Variants in MDGA2 observed in about 807,000 individuals in gnomAD.
MDGA2 encodes MAM domain containing glycosylphosphatidylinositol anchor 2.
Under a neutral mutation model 117.8 loss-of-function variants are expected in MDGA2, and 40 were observed. The observed-to-expected ratio is 0.34, with a 90% CI of 0.26 to 0.44. The LOEUF (loss-of-function observed/expected upper bound fraction) is 0.44. Among genes scored for constraint, MDGA2 ranks in the 20% least tolerant of loss-of-function variants. The probability of loss-of-function intolerance (pLI) is 1.00; values close to 1 mark genes in which losing one functional copy is unlikely to be tolerated. For missense variants in MDGA2, 1,123 were observed against 1,250.6 expected, an observed-to-expected ratio of 0.90 and a Z score of 1.54; for synonymous variants, 452 against 439.0, an observed-to-expected ratio of 1.03 and a Z score of -0.37.
intron 1 of MDGA2, among the ~76,000 whole-genome samples, chr14:47,377,376 G>A (rs765125968): frequency 2.6e-5 from 4 of 152,176 alleles, no homozygotes; most frequent in Admixed American, 6.5e-5. Flanking sequence ...CAGACAGTGG[G>A]TGCAGCCCAC....
chr14:47,061,830 T>C lies in MDGA2; in HGVS notation c.1196-252A>G, dbSNP rs541485826. ...TAAATTTGGTAAGATTTTCCAGTGA[T>C]ATCAAAAGTAATGCCTTAAGTCTAT... On this transcript the variant is annotated intron_variant, in intron 6 of 16. Transcript: ENST00000399232. Among the ~76,000 whole-genome samples, 9 of 152,204 alleles carry C rather than the reference T, an allele frequency of 5.9e-5. No individual in the cohort carries two copies. The East Asian group carries it at 1.7e-3, about 29-fold the overall frequency.
chr14:47,119,301 G>A (rs566592556), intron 5 of MDGA2, among the ~76,000 whole-genome samples: 3 of 151,712 alleles, frequency 2.0e-5, no homozygotes, highest in East Asian at 2.0e-4. Flanking sequence ...TCCTGGCCTC[G>A]TGCTCTGCCC....
At chr14:47,200,516 C>G in intron 3 of MDGA2, 1 of 605,006 alleles carries the variant, frequency 1.7e-6, no homozygotes, top group Non-Finnish European at 2.6e-6. Context: ...TTTTTCTTTT[C>G]TTTTTTCTTT....
rs546495090 is a variant in MDGA2, at chr14:47,605,948, A to C, written c.280+68569T>G. ...CACAAAGGGCCATCTCCTGGTCATCATCCAAGTCTCTTCCTTCATGGTGCT... is the reference window on the plus strand; with the variant it reads ...CACAAAGGGCCATCTCCTGGTCATCCTCCAAGTCTCTTCCTTCATGGTGCT... On this transcript the variant is annotated intron_variant, in intron 1 of 16. Coordinates refer to ENST00000399232, the MANE Select transcript of MDGA2 (RefSeq NM_001113498.3). 3.4e-4 allele frequency among the ~76,000 whole-genome samples: 51 copies of C among 152,182 alleles called. No homozygotes were observed. The Middle Eastern group carries it at 0.01, about 30-fold the overall frequency.
rs143746534 is a variant in MDGA2 at position 46,920,510 on chromosome 14, G to C, written c.2090-350C>G. Among the ~76,000 whole-genome samples the C allele has an allele frequency of 3.2e-3, 488 of 152,270 alleles. 5 individuals are homozygous for C. Among genetic ancestry groups the C allele is most frequent in the African/African-American group, 0.011 (454 of 41,546 alleles). On this transcript the variant is annotated intron_variant, in intron 9 of 16. Coordinates refer to ENST00000399232, the MANE Select transcript of MDGA2 (RefSeq NM_001113498.3). Reference sequence around the variant, plus strand: ...AATGGATACACCAAGTATGCAGTAGGATATAACTAGTCTGGAATACAAGAG... The same window carrying C: ...AATGGATACACCAAGTATGCAGTAGCATATAACTAGTCTGGAATACAAGAG...
chr14:47,148,302 C>T (rs1201043399), intron 3 of MDGA2, among the ~76,000 whole-genome samples: 1 of 152,120 alleles, frequency 6.6e-6, no homozygotes, highest in Admixed American at 6.6e-5. Flanking sequence ...TCCAGTAGGT[C>T]ACTGGATGTG....
At chr14:46,929,230 G>A (rs964305617) in intron 9 of MDGA2, among the ~76,000 whole-genome samples, 1 of 152,030 alleles carries the variant, frequency 6.6e-6, no homozygotes, top group Non-Finnish European at 1.5e-5. Context: ...ATATATGTAT[G>A]AACCATAGCT....
At position 46,918,760 on chromosome 14, in the gene MDGA2, CTTT is replaced by C. The variant is rs34958634; in HGVS notation, c.2238+1249_2238+1251del. Among the ~76,000 whole-genome samples, 217 of 124,756 alleles carry C rather than the reference CTTT, an allele frequency of 1.7e-3. 4 individuals carry two copies. The highest frequency in any genetic ancestry group is 6.8e-3 in the African/African-American group (204 of 29,848). The allele number at this position is 124,756 out of a possible 152,430, so 81.8% of individuals were successfully genotyped here. A position where few individuals can be genotyped will look rare whatever the true frequency, so the allele number is the denominator to read the frequency against. On this transcript the variant is annotated intron_variant, in intron 10 of 16. Transcript: ENST00000399232. ...TAAGAATATGCTACATACAGTGTAT[CTTT>C]TTTTTTTTTTTTTTGGAATCGGAGT...
intron 1 of MDGA2, among the ~76,000 whole-genome samples, chr14:47,478,873 C>T (rs973900686): frequency 6.6e-6 from 1 of 152,132 alleles, no homozygotes; most frequent in African/African-American, 2.4e-5. Context: ...AATCTTTTGA[C>T]ATCTTGAAGC....
At chr14:47,377,039 C>A (rs903902032) in intron 1 of MDGA2, among the ~76,000 whole-genome samples, 7 of 151,776 alleles carry the variant, frequency 4.6e-5, no homozygotes, top group Non-Finnish European at 7.4e-5. Flanking sequence ...GAGTAGTAAG[C>A]CTTGGATGTA....
intron 3 of MDGA2, among the ~76,000 whole-genome samples, chr14:47,211,583 A>C (rs2139482573): frequency 6.6e-6 from 1 of 152,304 alleles, no homozygotes; most frequent in East Asian, 1.9e-4. Context: ...CCCCTGAGGT[A>C]GATATTATCT....
intron 10 of MDGA2, among the ~76,000 whole-genome samples, chr14:46,885,424 T>C (rs1000668951): frequency 1.3e-5 from 2 of 152,062 alleles, no homozygotes; most frequent in African/African-American, 4.8e-5. Context: ...TAACAACAAG[T>C]AATTCATAGA....
At chr14:46,861,484 T>TA (rs1566495516) in intron 14 of MDGA2, among the ~76,000 whole-genome samples, 2 of 151,874 alleles carry the variant, frequency 1.3e-5, no homozygotes, top group Non-Finnish European at 2.9e-5. Flanking sequence ...ACATAATATG[T>TA]AAAAAAATAT....
intron 1 of MDGA2, among the ~76,000 whole-genome samples, chr14:47,310,488 G>A (rs999583158): frequency 2.6e-5 from 4 of 152,036 alleles, no homozygotes; most frequent in African/African-American, 7.2e-5. Context: ...CTAATCTCAT[G>A]TTGCTCAAAC....
chr14:47,165,236 T>C (rs1419846129), intron 3 of MDGA2, among the ~76,000 whole-genome samples: 2 of 151,998 alleles, frequency 1.3e-5, no homozygotes, highest in African/African-American at 4.8e-5. Context: ...TGTACCCTAG[T>C]ACTTAAAGTA....
intron 9 of MDGA2, among the ~76,000 whole-genome samples, chr14:46,954,879 TA>T (rs1885505136): frequency 6.6e-6 from 1 of 152,110 alleles, no homozygotes; most frequent in Non-Finnish European, 1.5e-5. Context: ...TTTTCTCATT[TA>T]AAAATTATTT....
chr14:47,149,271 C>G (rs1045842950), intron 3 of MDGA2, among the ~76,000 whole-genome samples: 1 of 152,098 alleles, frequency 6.6e-6, no homozygotes, highest in Non-Finnish European at 1.5e-5. Context: ...ACCTGGGGGA[C>G]AGAGTGAGAC....
At chr14:47,058,452 C>T (rs566532793) in intron 7 of MDGA2, 1 of 877,902 alleles carries the variant, frequency 1.1e-6, no homozygotes, top group East Asian at 1.2e-4. Context: ...TTTTCTTTGA[C>T]TCACTCATCC....
intron 1 of MDGA2, among the ~76,000 whole-genome samples, chr14:47,639,346 A>T (rs542544071): frequency 6.6e-6 from 1 of 152,186 alleles, no homozygotes; most frequent in Non-Finnish European, 1.5e-5. Flanking sequence ...TCCGCCATGA[A>T]CTTCACTCTC....
Sources: gnomAD v4.1 joint callset for allele counts (sites outside exome capture counted in the v4.1 genomes callset) on GRCh38, gnomAD v4.1.1 for gene constraint, MANE v1.5 for transcripts, NCBI Gene and HGNC (gene_info 2026-07-23, HGNC 2026-07-21) for gene names.